Variants in OR7A17 observed in about 807,000 individuals in gnomAD.
OR7A17 encodes olfactory receptor family 7 subfamily A member 17.
For synonymous variants in OR7A17, 159 were observed against 142.1 expected (o/e 1.12, Z -0.85); for missense variants, 366 against 365.5 (o/e 1.00, Z -0.01).
At chr19:14,883,823 T>C (rs1032013298) in intron 1 of OR7A17, among the ~76,000 whole-genome samples, 2 of 152,216 alleles carry the variant, frequency 1.3e-5, no homozygotes, top group African/African-American at 4.8e-5. Context: ...ATAAGAATAA[T>C]TTAATGATAT....
chr19:14,882,393 C>T (rs1253994726), intron 1 of OR7A17, among the ~76,000 whole-genome samples: 1 of 152,204 alleles, frequency 6.6e-6, no homozygotes, highest in Non-Finnish European at 1.5e-5. Flanking sequence ...AGAATGAAGA[C>T]AGGGCGAGAG....
In OR7A17 at chr19:14,881,309, C is replaced by T. The variant is rs150913763; in HGVS notation, c.47G>A (p.Gly16Glu). The T allele has an allele frequency of 6.3e-7, 1 of 1,588,710 alleles. No homozygotes were observed. Among genetic ancestry groups the T allele is most frequent in the African/African-American group, 1.3e-5 (1 of 74,290 alleles). Residue 16 changes from glycine (G) to glutamate (E), a missense_variant, in exon 3 of 3, where the codon GGA becomes GAA. By Grantham distance (98) the Gly-to-Glu change is moderately conservative. Transcript: ENST00000641113. ...CTGCAATTCTGGTTCCTCAGAAAGT[C>T]CCAGAAGAACAAATTCTGAAATCCC... Reference protein sequence around the residue: ...DTGISEFVLLGLSEEPELQPF... With the variant: ...DTGISEFVLLELSEEPELQPF...
intron 1 of OR7A17, among the ~76,000 whole-genome samples, chr19:14,883,970 T>C (rs1830759073): frequency 6.6e-6 from 1 of 152,188 alleles, no homozygotes; most frequent in Admixed American, 6.5e-5. Flanking sequence ...TATATGGGTA[T>C]TAAAATATGA....
chr19:14,883,398 C>T (rs1599946210), intron 1 of OR7A17, among the ~76,000 whole-genome samples: 2 of 152,024 alleles, frequency 1.3e-5, no homozygotes. Flanking sequence ...TGAGATTGTG[C>T]CATTGCACTC....
At position 14,881,244 on chromosome 19, in the gene OR7A17, T is replaced by C. The variant is rs148311102; in HGVS notation, c.112A>G (p.Thr38Ala). The change falls in exon 3 of 3, where the codon ACT (threonine) becomes GCT (alanine). Residue 38 changes from threonine to alanine, a missense_variant. Physicochemically the swap from Thr to Ala is moderately conservative, Grantham distance 58. Coordinates refer to ENST00000641113, the MANE Select transcript of OR7A17 (RefSeq NM_030901.2). ...ATGATGAGCAGATTCCCGAGCACAG[T>C]GACCAGGTACATGGACAGAAACAGC... is the stretch of plus-strand genomic sequence containing the variant. ...FGLFLSMYLVTVLGNLLIILA... is the reference protein window; with the variant it reads ...FGLFLSMYLVAVLGNLLIILA... 1.3e-4 allele frequency: 208 copies of C among 1,614,002 alleles called. No individual in the cohort carries two copies. The highest frequency in any genetic ancestry group is 1.7e-4 in the Non-Finnish European group (196 of 1,179,992).
At chr19:14,884,267 C>A (rs542277208) in intron 1 of OR7A17, among the ~76,000 whole-genome samples, 1 of 151,994 alleles carries the variant, frequency 6.6e-6, no homozygotes, top group East Asian at 1.9e-4. Context: ...CTTTTTATGA[C>A]CAAAAATGTT....
At position 14,880,260 on chromosome 19, in the gene OR7A17, A is replaced by C. The variant is rs1599944550; in HGVS notation, c.*166T>G. 8.2e-6 allele frequency: 2 copies of C among 243,808 alleles called. No individual in the cohort carries two copies. Among genetic ancestry groups the C allele is most frequent in the Non-Finnish European group, 1.4e-5 (2 of 143,840 alleles). The allele number at this position is 243,808 out of a possible 1,614,324, so 15.1% of individuals were successfully genotyped here. On this transcript the variant is annotated 3_prime_UTR_variant, in exon 3 of 3. Transcript: ENST00000641113. Reference sequence around the variant, plus strand: ...GATATCAGAGAGCGGAAAGCTTTATAAAGGAATACATTAAATTCTATGTCA... The same window carrying C: ...GATATCAGAGAGCGGAAAGCTTTATCAAGGAATACATTAAATTCTATGTCA...
rs2045108717 is a variant in OR7A17, at chr19:14,881,172, A to T, written c.184T>A (p.Phe62Ile). The change falls in exon 3 of 3, where the codon TTC becomes ATC. Residue 62 changes from phenylalanine to isoleucine, a missense_variant. Physicochemically the swap from Phe to Ile is conservative, Grantham distance 21. Transcript: ENST00000641113. Reference protein sequence around the residue: ...DSHLHTPMYFFLSNLSFADIC... With the variant: ...DSHLHTPMYFILSNLSFADIC... ...TCTGCAAAGGACAGGTTGGAGAGGA[A>T]GAAGTACATGGGGGTGTGGAGGTGG... is the stretch of plus-strand genomic sequence containing the variant. 6.2e-7 allele frequency: 1 copy of T among 1,614,098 alleles called. No homozygotes were observed. The highest frequency in any genetic ancestry group is 1.3e-5 in the African/African-American group (1 of 75,028).
chr19:14,881,590 A>G (rs1448184567), intron 2 of OR7A17, 39 bp from the exon 3 acceptor site: 1 of 223,194 alleles, frequency 4.5e-6, no homozygotes, highest in Non-Finnish European at 8.6e-6. Flanking sequence ...GTAATTATGC[A>G]TTACAAACCT....
chr19:14,880,741 C>G lies in OR7A17; in HGVS notation c.615G>C (p.Leu205=), dbSNP rs2045104095. 6.2e-7 allele frequency: 1 copy of G among 1,614,244 alleles called. No individual in the cohort carries two copies. Among genetic ancestry groups the G allele is most frequent in the African/African-American group, 1.3e-5 (1 of 75,066 alleles). The change falls in exon 3 of 3, where the codon CTG becomes CTC. Residue 205 remains leucine (L), a synonymous_variant. Coordinates refer to ENST00000641113, the MANE Select transcript of OR7A17 (RefSeq NM_030901.2). The stretch of plus-strand genomic sequence containing the variant: ...TCCCCACAAGGGGACCACCAGCCAG[C>G]AGCCCTGCTGCAAAATACATCCCCA... ...NDMGMYFAAG[L]LAGGPLVGIL...
rs559551508 is a variant in OR7A17 at position 14,880,278 on chromosome 19, C to A, written c.*148G>T. ...GCTTTATAAAGGAATACATTAAATTCTATGTCAGTTGAGATCAAAGAAATT... is the reference window on the plus strand; with the variant it reads ...GCTTTATAAAGGAATACATTAAATTATATGTCAGTTGAGATCAAAGAAATT... On this transcript the variant is annotated 3_prime_UTR_variant, in exon 3 of 3. Coordinates refer to ENST00000641113, the MANE Select transcript of OR7A17 (RefSeq NM_030901.2). 2.5e-5 allele frequency: 12 copies of A among 482,826 alleles called. No homozygotes were observed. The highest frequency in any genetic ancestry group is 1.2e-4 in the African/African-American group (6 of 50,800). The allele number at this position is 482,826 out of a possible 1,614,324, so 29.9% of individuals were successfully genotyped here. A position where few individuals can be genotyped will look rare whatever the true frequency, so the allele number is the denominator to read the frequency against.
chr19:14,880,584 C>CA lies in OR7A17; in HGVS notation c.771dup (p.Val258CysfsTer38). 1 of 1,614,110 alleles carries CA rather than the reference C, an allele frequency of 6.2e-7. No homozygotes were observed. ...TGGGTTGCAGCAGAAGTAAGGTACACACCTAGGCCCGTACAACAAAATAAA... is the reference window on the plus strand; with the variant it reads ...TGGGTTGCAGCAGAAGTAAGGTACACAACCTAGGCCCGTACAACAAAATAAA... On this transcript the variant is annotated frameshift_variant, in exon 3 of 3. Transcript: ENST00000641113. LOFTEE classifies it low-confidence loss of function (END_TRUNC).
chr19:14,883,648 T>C (rs531968936), intron 1 of OR7A17, among the ~76,000 whole-genome samples: 1 of 152,120 alleles, frequency 6.6e-6, no homozygotes, highest in African/African-American at 2.4e-5. Flanking sequence ...TTCACAAAGG[T>C]GTATGAGTAT....
intron 1 of OR7A17, among the ~76,000 whole-genome samples, chr19:14,885,550 G>A (rs1372907336): frequency 6.6e-6 from 1 of 151,982 alleles, no homozygotes; most frequent in Non-Finnish European, 1.5e-5. Flanking sequence ...AAAATACCTA[G>A]GAATATAACC....
Position 14,880,135 on chromosome 19 carries a change from T to C in OR7A17, c.*291A>G, listed in dbSNP as rs1465071180. The C allele has an allele frequency of 4.7e-6, 1 of 213,726 alleles. No individual in the cohort carries two copies. Among genetic ancestry groups the C allele is most frequent in the African/African-American group, 2.4e-5 (1 of 41,538 alleles). 13.2% of individuals were successfully genotyped at this position (213,726 alleles called of 1,614,324 possible). ...GCAGGACTAATGCAACCCACAAGTG[T>C]AGGAGAAAAATAGGAATCTCCACCT... On this transcript the variant is annotated 3_prime_UTR_variant, in exon 3 of 3. Transcript: ENST00000641113.
At position 14,881,221 on chromosome 19, in the gene OR7A17, G is replaced by T. The variant is rs1217772124; in HGVS notation, c.135C>A (p.Ile45=). Residue 45 remains isoleucine (I), a synonymous_variant, in exon 3 of 3, where the codon ATC becomes ATA. Transcript: ENST00000641113. ...YLVTVLGNLL[I]ILATISDSHL... ...GGGAGTCTGAGATTGTGGCCAGGATGATGAGCAGATTCCCGAGCACAGTGA... is the reference window on the plus strand; with the variant it reads ...GGGAGTCTGAGATTGTGGCCAGGATTATGAGCAGATTCCCGAGCACAGTGA... 2 of 1,613,992 alleles carry T rather than the reference G, an allele frequency of 1.2e-6. No individual in the cohort carries two copies. Among genetic ancestry groups the T allele is most frequent in the Middle Eastern group, 1.6e-4 (1 of 6,062 alleles).
rs747898989 is a variant in OR7A17 at position 14,880,793 on chromosome 19, G to A, written c.563C>T (p.Ala188Val). The A allele has an allele frequency of 1.2e-6, 2 of 1,614,094 alleles. No individual in the cohort carries two copies. The highest frequency in any genetic ancestry group is 1.7e-6 in the Non-Finnish European group (2 of 1,180,044). ...GTCATTAAGAAAGGTGTCAGAACAG[G>A]CAAGGTGGATGACCTGATTAAGTTC... ...FCELNQVIHL[A>V]CSDTFLNDMG... Residue 188 changes from alanine to valine, a missense_variant, in exon 3 of 3, where the codon GCC becomes GTC. Coordinates refer to ENST00000641113, the MANE Select transcript of OR7A17 (RefSeq NM_030901.2).
intron 1 of OR7A17, chr19:14,884,787 A>C (rs1470045882): frequency 6.6e-6 from 1 of 152,208 alleles, no homozygotes; most frequent in Non-Finnish European, 1.5e-5. Flanking sequence ...GGCCAGCATC[A>C]TCCTGATACC....
At position 14,880,501 on chromosome 19, in the gene OR7A17, C is replaced by T; in HGVS notation, c.855G>A (p.Leu285=). The T allele has an allele frequency of 6.2e-7, 1 of 1,614,020 alleles. No individual in the cohort carries two copies. Among genetic ancestry groups the T allele is most frequent in the East Asian group, 2.2e-5 (1 of 44,868 alleles). Residue 285 remains leucine, a synonymous_variant, in exon 3 of 3, where the codon CTG becomes CTA. Coordinates refer to ENST00000641113, the MANE Select transcript of OR7A17 (RefSeq NM_030901.2). Reference sequence around the variant, plus strand: ...TCCTCAGACTGTAGATAAAGGGGTTCAGCATGGGGGTGGCCACAGTGTACA... The same window carrying T: ...TCCTCAGACTGTAGATAAAGGGGTTTAGCATGGGGGTGGCCACAGTGTACA... ...SVMYTVATPM[L]NPFIYSLRNK...
Sources: gnomAD v4.1 joint callset for allele counts (sites outside exome capture counted in the v4.1 genomes callset) on GRCh38, gnomAD v4.1.1 for gene constraint, MANE v1.5 for transcripts, NCBI Gene and HGNC (gene_info 2026-07-23, HGNC 2026-07-21) for gene names.